CDH23: variants seen among roughly 807,000 people sequenced by gnomAD.
CDH23 encodes cadherin related 23.
A neutral mutation model predicts 317.1 loss-of-function variants in CDH23; 189 were observed. The observed-to-expected ratio is 0.60, with a 90% CI of 0.53 to 0.67. CDH23 has a LOEUF of 0.67. Ranked by LOEUF, CDH23 falls within the 30% of genes least tolerant of loss-of-function variation. The pLI, the probability that CDH23 is intolerant of heterozygous loss-of-function variation, is 0.00. For synonymous variants in CDH23, 1,839 were observed against 1,876.8 expected, an observed-to-expected ratio of 0.98 and a Z score of 0.52; for missense variants, 4,401 against 4,592.4, an observed-to-expected ratio of 0.96 and a Z score of 1.20.
intron 38 of CDH23, among the ~76,000 whole-genome samples, chr10:71,772,643 G>A (rs992435323): frequency 1.7e-4 from 26 of 152,330 alleles, no homozygotes; most frequent in African/African-American, 3.4e-4. Context: ...GAGAGATGCC[G>A]TAATTTATCC....
intron 32 of CDH23, 79 bp from the exon 33 acceptor site, chr10:71,734,158 TGGA>T: frequency 9.0e-7 from 1 of 1,106,568 alleles, no homozygotes; most frequent in Non-Finnish European, 1.4e-6. Flanking sequence ...GGAAGTGACA[TGGA>T]GGTGGAAAAG....
At chr10:71,577,867 CA>C in intron 8 of CDH23, 46 bp from the exon 9 acceptor site, 1 of 1,488,880 alleles carries the variant, frequency 6.7e-7, no homozygotes, top group Non-Finnish European at 9.2e-7. Context: ...CAAAGAAAGA[CA>C]GCAGCCAGGG....
chr10:71,584,546 G>C (rs939452400), intron 9 of CDH23, among the ~76,000 whole-genome samples: 1 of 127,594 alleles, frequency 7.8e-6, no homozygotes, highest in Non-Finnish European at 1.7e-5. Flanking sequence ...GGAAGTCTGT[G>C]TGTGTGTGTG....
In CDH23 at chr10:71,759,846, C is replaced by CATATACACACACACACACATAT. The variant is rs1840260321; in HGVS notation, c.4846-17816_4846-17795dup. On this transcript the variant is annotated intron_variant, in intron 38 of 69. Coordinates refer to ENST00000224721, the MANE Select transcript of CDH23 (RefSeq NM_022124.6). ...ACACACACACACACACACACACACA[C>CATATACACACACACACACATAT]ATATACACACACACACACATATATA... Among the ~76,000 whole-genome samples, 201 of 59,924 alleles carry CATATACACACACACACACATAT rather than the reference C, an allele frequency of 3.4e-3. 35 individuals carry two copies. Among genetic ancestry groups the CATATACACACACACACACATAT allele is most frequent in the Non-Finnish European group, 3.0e-3 (86 of 29,024 alleles). 39.3% of individuals were successfully genotyped at this position (59,924 alleles called of 152,430 possible).
rs753886326 is a variant in CDH23 at position 71,682,529 on chromosome 10, AC to A, written c.1949del (p.Pro650LeufsTer44). On this transcript the variant is annotated frameshift_variant, in exon 18 of 70. Coordinates refer to ENST00000224721, the MANE Select transcript of CDH23 (RefSeq NM_022124.6). LOFTEE classifies it high-confidence loss of function. ...YLTVMAMDAG[N>X]PPLNSTVPVT... is the part of the protein sequence containing the mutation. Reference sequence around the variant, plus strand: ...ACGGTCATGGCCATGGATGCTGGCAACCCCCCTCTCAACAGCACCGTCCCTG... The same window carrying A: ...ACGGTCATGGCCATGGATGCTGGCAACCCCCTCTCAACAGCACCGTCCCTG... The A allele has an allele frequency of 3.7e-6, 6 of 1,613,254 alleles. No individual in the cohort carries two copies. The Admixed American group carries it at 5.0e-5, about 13-fold the overall frequency.
rs186518367 is a variant in CDH23 at position 71,489,879 on chromosome 10, G to A, written c.146-20203G>A. 4.0e-5 allele frequency among the ~76,000 whole-genome samples: 6 copies of A among 148,164 alleles called. No homozygotes were observed. The East Asian group carries it at 9.6e-4, about 24-fold the overall frequency. ...AGGGTTACAAATCCTTAAGAGTCACGTTCCCCTCTCTATTCAGCACCACGA... is the reference window on the plus strand; with the variant it reads ...AGGGTTACAAATCCTTAAGAGTCACATTCCCCTCTCTATTCAGCACCACGA... On this transcript the variant is annotated intron_variant, in intron 3 of 69. Coordinates refer to ENST00000224721, the MANE Select transcript of CDH23 (RefSeq NM_022124.6).
chr10:71,685,364 C>T (rs900341016), intron 18 of CDH23, among the ~76,000 whole-genome samples: 2 of 152,208 alleles, frequency 1.3e-5, no homozygotes, highest in African/African-American at 2.4e-5. Flanking sequence ...CCTGTCCCAA[C>T]CTGTAGCTCA....
intron 6 of CDH23, among the ~76,000 whole-genome samples, chr10:71,520,384 C>T (rs979959712): frequency 6.6e-6 from 1 of 152,190 alleles, no homozygotes; most frequent in African/African-American, 2.4e-5. Flanking sequence ...ACAGGGTGAC[C>T]CTGGAGGTGA....
intron 53 of CDH23, among the ~76,000 whole-genome samples, chr10:71,801,381 C>T (rs1411955848): frequency 7.2e-5 from 11 of 151,826 alleles, no homozygotes; most frequent in Non-Finnish European, 1.5e-4. Flanking sequence ...CTCGAACTCC[C>T]GACCTCAGGT....
chr10:71,680,761 A>G (rs566400748), intron 17 of CDH23, among the ~76,000 whole-genome samples: 2 of 145,618 alleles, frequency 1.4e-5, no homozygotes, highest in South Asian at 2.2e-4. Flanking sequence ...AAAAAAAAAA[A>G]AAGAAAAAGA....
chr10:71,713,527 T>C, intron 28 of CDH23: 1 of 515,674 alleles, frequency 1.9e-6, no homozygotes. Context: ...CTCCCCTCCC[T>C]GCATCGGGAC....
chr10:71,640,591 T>C (rs980431528), intron 11 of CDH23, among the ~76,000 whole-genome samples: 6 of 151,932 alleles, frequency 3.9e-5, no homozygotes, highest in Non-Finnish European at 8.8e-5. Context: ...CTACTAAAAA[T>C]ACAAAAATTC....
At chr10:71,687,766 C>A in intron 19 of CDH23, 47 bp downstream of exon 19, 1 of 1,569,114 alleles carries the variant, frequency 6.4e-7, no homozygotes, top group Non-Finnish European at 8.8e-7. Context: ...GGTAGGCAGC[C>A]AGCAGTCACG....
intron 34 of CDH23, chr10:71,737,956 T>A (rs929121482): frequency 2.6e-6 from 1 of 389,260 alleles, no homozygotes; most frequent in Non-Finnish European, 5.3e-6. Context: ...TGCAGCCCCC[T>A]CCTGCTCCTG....
chr10:71,401,399 G>A (rs1317230216), intron 1 of CDH23, among the ~76,000 whole-genome samples: 2 of 152,170 alleles, frequency 1.3e-5, no homozygotes, highest in South Asian at 2.1e-4. Flanking sequence ...GGAGTAGTTG[G>A]TGCTCAGTAA....
rs77299407 is a variant in CDH23 at position 71,483,179 on chromosome 10, A to C, written c.146-26903A>C. ...CCTTCTGGGAAGCTCCCTGGATGCC[A>C]GGCTGTCCTTAGGACTTGGTGACCC... On this transcript the variant is annotated intron_variant, in intron 3 of 69. Transcript: ENST00000224721. Among the ~76,000 whole-genome samples, 1,063 of 152,310 alleles carry C rather than the reference A, an allele frequency of 7.0e-3. 2 individuals are homozygous for C. Among genetic ancestry groups the C allele is most frequent in the South Asian group, 0.025 (120 of 4,828 alleles).
intron 41 of CDH23, among the ~76,000 whole-genome samples, 175 bp from the exon 42 acceptor site, chr10:71,784,112 C>T (rs1331485164): frequency 1.3e-5 from 2 of 152,216 alleles, no homozygotes; most frequent in Non-Finnish European, 2.9e-5. Flanking sequence ...ACCTGCACAT[C>T]CCAGCCCTTG....
chr10:71,544,259 A>G (rs753662523), intron 6 of CDH23, among the ~76,000 whole-genome samples: 2 of 152,194 alleles, frequency 1.3e-5, no homozygotes, highest in Non-Finnish European at 1.5e-5. Flanking sequence ...GGGGGTAGAA[A>G]TCAAATCAAA....
At chr10:71,755,313 G>T in intron 38 of CDH23, 2 of 1,525,172 alleles carry the variant, frequency 1.3e-6, no homozygotes, top group South Asian at 1.2e-5. Context: ...GGCTGGAGCA[G>T]GTCACTCGCA....
Sources: allele counts gnomAD v4.1 joint callset (sites outside exome capture counted in the v4.1 genomes callset), GRCh38; gene constraint gnomAD v4.1.1; transcripts MANE v1.5; gene names NCBI Gene and HGNC (gene_info 2026-07-23, HGNC 2026-07-21).